NOA1: variants seen among roughly 807,000 people sequenced by gnomAD.
The protein encoded by NOA1 is nitric oxide-associated protein 1.
A neutral mutation model predicts 58.4 loss-of-function variants in NOA1; 35 were observed. The ratio of observed to expected loss-of-function variants is 0.60; its 90% CI spans 0.46 to 0.79. NOA1 has a LOEUF of 0.79. NOA1 is among the 30% of genes least tolerant of loss of function. The probability of loss-of-function intolerance (pLI) is 0.00; values close to 1 mark genes in which losing one functional copy is unlikely to be tolerated. For synonymous variants in NOA1, 397 were observed against 373.4 expected (o/e 1.06, Z -0.73); for missense variants, 895 against 894.6 (o/e 1.00, Z -0.01).
At chr4:56,973,485 C>CTT (rs370555681) in intron 2 of NOA1, 132 bp from the exon 3 acceptor site, 74 of 612,318 alleles carry the variant, frequency 1.2e-4, no homozygotes, top group African/African-American at 1.8e-4. Flanking sequence ...GATACTTTTG[C>CTT]TTTTTTTTTT....
rs773373827 is a variant in NOA1 at position 56,973,248 on chromosome 4, A to G, written c.1415T>C (p.Met472Thr). 4 of 1,614,118 alleles carry G rather than the reference A, an allele frequency of 2.5e-6. No individual in the cohort carries two copies. Among genetic ancestry groups the G allele is most frequent in the African/African-American group, 2.7e-5 (2 of 75,050 alleles). ...LAFDMENDPV[M>T]GTHKSTKQVE... ...TTGTTTGGTGGATTTGTGTGTACCC[A>G]TAACAGGGTCATTTTCCATGTCAAA... The change falls in exon 3 of 7, where the codon ATG becomes ACG. Residue 472 changes from methionine to threonine, a missense_variant. Coordinates refer to ENST00000264230, the MANE Select transcript of NOA1 (RefSeq NM_032313.4).
At chr4:56,973,126 C>T (rs781349997) in intron 3 of NOA1, 22 bp downstream of exon 3, 7 of 1,607,376 alleles carry the variant, frequency 4.4e-6, no homozygotes, top group Non-Finnish European at 5.1e-6. Flanking sequence ...GTAAATGTTT[C>T]TAAAAGAAAC....
Position 56,964,520 on chromosome 4 carries a change from T to C in NOA1, c.1771A>G (p.Met591Val), listed in dbSNP as rs758839333. 5.0e-6 allele frequency: 8 copies of C among 1,612,938 alleles called. No individual in the cohort carries two copies. In the Admixed American group the frequency reaches 6.7e-5, roughly 14 times the overall value. The part of the protein sequence containing the change: ...HAGHTLLQIP[M>V]GGKERMAGFP... ...CCTGCCATTCGTTCTTTTCCACCCA[T>C]TGGAATCTTCCAATGAAATAAAGAT... is the stretch of plus-strand genomic sequence containing the variant. The change falls in exon 6 of 7, where the codon ATG becomes GTG. Residue 591 changes from methionine to valine, a missense_variant. Met to Val is a conservative substitution (Grantham distance 21). Transcript: ENST00000264230.
intron 3 of NOA1, among the ~76,000 whole-genome samples, chr4:56,970,536 C>G (rs1404760477): frequency 6.6e-6 from 1 of 151,714 alleles, no homozygotes; most frequent in Non-Finnish European, 1.5e-5. Context: ...CTCACTGCAA[C>G]CTCTGCCTCC....
At chr4:56,972,053 A>AT (rs773047512) in intron 3 of NOA1, among the ~76,000 whole-genome samples, 1 of 152,026 alleles carries the variant, frequency 6.6e-6, no homozygotes, top group Non-Finnish European at 1.5e-5. Flanking sequence ...CTCCTGGCTA[A>AT]TTTTTTGTAT....
chr4:56,963,432 G>A lies in NOA1; in HGVS notation c.*18C>T, dbSNP rs574022841. 17 of 1,571,710 alleles carry A rather than the reference G, an allele frequency of 1.1e-5. No individual in the cohort carries two copies. Among genetic ancestry groups the A allele is most frequent in the African/African-American group, 4.1e-5 (3 of 74,008 alleles). On this transcript the variant is annotated 3_prime_UTR_variant, in exon 7 of 7. Transcript: ENST00000264230. ...TTGTGTTCAATACAGTTAATATCTG[G>A]AGTGAACAAGGTCGGTCTCATACAT...
intron 1 of NOA1, among the ~76,000 whole-genome samples, chr4:56,975,146 CCTGAGTAG>C (rs774884394): frequency 6.6e-6 from 1 of 151,894 alleles, no homozygotes; most frequent in African/African-American, 2.4e-5. Context: ...ACCTCAACCT[CCTGAGTAG>C]CTGGGACTAC....
Position 56,964,497 on chromosome 4 carries a change from T to C in NOA1, c.1794A>G (p.Ala598=), listed in dbSNP as rs17087307. 0.048 allele frequency: 78,252 copies of C among 1,613,918 alleles called. 4,107 individuals carry two copies. The highest frequency in any genetic ancestry group is 0.24 in the Admixed American group (14,393 of 59,964). ...CTTCAGCAACAAGAGGAGGAAATCC[T>C]GCCATTCGTTCTTTTCCACCCATTG... ...QIPMGGKERM[A]GFPPLVAEDI... is the part of the protein sequence containing the mutation. Residue 598 remains alanine (A), a synonymous_variant, in exon 6 of 7, where the codon GCA becomes GCG. Coordinates refer to ENST00000264230, the MANE Select transcript of NOA1 (RefSeq NM_032313.4).
At chr4:56,964,843 T>C (rs1025716511) in intron 5 of NOA1, among the ~76,000 whole-genome samples, 20 of 152,158 alleles carry the variant, frequency 1.3e-4, no homozygotes, top group Non-Finnish European at 1.0e-4. Context: ...CATAGATTAA[T>C]GTTGGGCAAT....
chr4:56,974,607 G>A (rs1032316549), intron 1 of NOA1, among the ~76,000 whole-genome samples: 25 of 149,334 alleles, frequency 1.7e-4, no homozygotes, highest in African/African-American at 4.2e-4. Context: ...AGGCGAGATC[G>A]CACCACTGCA....
At chr4:56,966,148 T>G (rs1313726983) in intron 5 of NOA1, among the ~76,000 whole-genome samples, 5 of 150,066 alleles carry the variant, frequency 3.3e-5, no homozygotes, top group Non-Finnish European at 1.5e-5. Context: ...TGCCTCAGCC[T>G]TCTGAGTGGC....
chr4:56,971,571 G>A (rs1296633), intron 3 of NOA1, among the ~76,000 whole-genome samples: 7 of 152,114 alleles, frequency 4.6e-5, no homozygotes, highest in African/African-American at 1.4e-4. Context: ...AAGTACCTAA[G>A]AAACCAATGT....
intron 6 of NOA1, 36 bp downstream of exon 6, chr4:56,964,370 T>C (rs1428979254): frequency 6.2e-7 from 1 of 1,613,058 alleles, no homozygotes; most frequent in East Asian, 2.2e-5. Context: ...CCTGCCCTTT[T>C]ATTCACTTTT....
At position 56,973,360 on chromosome 4, in the gene NOA1, C is replaced by G; in HGVS notation, c.1310-7G>C. On this transcript the variant is annotated splice_polypyrimidine_tract_variant and splice_region_variant and intron_variant, in intron 2 of 6. Transcript: ENST00000264230. Reference sequence around the variant, plus strand: ...AATGTCCTTCCAACTCTTCCTAGAACAAGTTATAGTAAGGTTATTAGTCAC... The same window carrying G: ...AATGTCCTTCCAACTCTTCCTAGAAGAAGTTATAGTAAGGTTATTAGTCAC... 1.9e-6 allele frequency: 3 copies of G among 1,609,952 alleles called. No individual in the cohort carries two copies. Among genetic ancestry groups the G allele is most frequent in the Non-Finnish European group, 2.6e-6 (3 of 1,176,258 alleles).
chr4:56,973,454 G>T, intron 2 of NOA1, 101 bp from the exon 3 acceptor site: 2 of 983,846 alleles, frequency 2.0e-6, no homozygotes, highest in Non-Finnish European at 3.1e-6. Context: ...AGATTACAGT[G>T]TAGGGAAGTG....
chr4:56,972,853 A>G (rs1336635407), intron 3 of NOA1, among the ~76,000 whole-genome samples: 1 of 152,220 alleles, frequency 6.6e-6, no homozygotes, highest in Non-Finnish European at 1.5e-5. Flanking sequence ...ATTCACCCCT[A>G]AACAGCTTTC....
intron 3 of NOA1, among the ~76,000 whole-genome samples, chr4:56,969,346 G>A (rs1049501277): frequency 1.3e-5 from 2 of 152,228 alleles, no homozygotes; most frequent in Non-Finnish European, 2.9e-5. Context: ...GCTAAGGCGG[G>A]CAGATCACCT....
chr4:56,976,398 C>T lies in NOA1; in HGVS notation c.1144+44G>A, dbSNP rs1332140497. 5 of 1,557,538 alleles carry T rather than the reference C, an allele frequency of 3.2e-6. No individual in the cohort carries two copies. The East Asian group carries it at 6.8e-5, about 21-fold the overall frequency. On this transcript the variant is annotated intron_variant, in intron 1 of 6. Transcript: ENST00000264230. ...CGGTGCCTCGGCCAGGACCAGACGT[C>T]CACCTTGCCAGGAAACGAAGAGGGC...
rs1294887184 is a variant in NOA1 at position 56,977,423 on chromosome 4, C to T, written c.163G>A (p.Asp55Asn). The T allele has an allele frequency of 8.7e-6, 14 of 1,614,072 alleles. No homozygotes were observed. Among genetic ancestry groups the T allele is most frequent in the African/African-American group, 1.3e-5 (1 of 74,956 alleles). ...CCAAAGCCCTCCGTGTCCACGGGGT[C>T]ATAAGGAAGCTCGCGTCCCAGACTC... is the stretch of plus-strand genomic sequence containing the variant. ...SSSLGRELPY[D>N]PVDTEGFGEG... is the part of the protein sequence containing the mutation. Residue 55 changes from aspartate to asparagine, a missense_variant, in exon 1 of 7, where the codon GAC becomes AAC. Physicochemically the swap from Asp to Asn is conservative, Grantham distance 23. Coordinates refer to ENST00000264230, the MANE Select transcript of NOA1 (RefSeq NM_032313.4).
Sources: gnomAD v4.1 joint callset for allele counts (sites outside exome capture counted in the v4.1 genomes callset) on GRCh38, gnomAD v4.1.1 for gene constraint, MANE v1.5 for transcripts, NCBI Gene and HGNC (gene_info 2026-07-23, HGNC 2026-07-21) for gene names.